Variants in ZMYM2 observed in about 807,000 individuals in gnomAD.
ZMYM2 encodes zinc finger MYM-type protein 2.
A neutral mutation model predicts 162.8 loss-of-function variants in ZMYM2; 56 were observed. That is an observed-to-expected ratio of 0.34 (90% CI 0.28 to 0.43). The LOEUF is 0.43. ZMYM2 is among the 20% of genes least tolerant of loss of function. ZMYM2 has a pLI of 1.00. For synonymous variants in ZMYM2, 510 were observed against 541.6 expected (o/e 0.94, Z 0.81); for missense variants, 1,275 against 1,621.8 (o/e 0.79, Z 3.67).
At chr13:19,886,124 A>C in the ZMYM2 span, among the ~76,000 whole-genome samples, 1 of 148,180 alleles carries the variant, frequency 6.7e-6, no homozygotes, top group African/African-American at 2.5e-5. Context: ...GACCCTGTTC[A>C]AAAACTGCTA....
intron 6 of ZMYM2, among the ~76,000 whole-genome samples, chr13:20,016,543 A>G (rs1218991784): frequency 1.3e-5 from 2 of 152,188 alleles, no homozygotes; most frequent in Non-Finnish European, 2.9e-5. Flanking sequence ...TTTAGTGGCA[A>G]CAAACTCCCT....
chr13:19,967,338 A>G (rs1198659499), intron 2 of ZMYM2, among the ~76,000 whole-genome samples: 2 of 152,178 alleles, frequency 1.3e-5, no homozygotes, highest in African/African-American at 4.8e-5. Context: ...AAAGGGAACT[A>G]GTGAGTACTA....
intron 1 of ZMYM2, among the ~76,000 whole-genome samples, chr13:19,959,295 CG>C (rs985041779): frequency 2.0e-5 from 3 of 152,006 alleles, no homozygotes; most frequent in African/African-American, 7.2e-5. Flanking sequence ...TCTCCGCTCT[CG>C]GGGCAGCGCT....
At chr13:19,965,228 G>A (rs2139145825) in intron 2 of ZMYM2, 1 of 1,293,574 alleles carries the variant, frequency 7.7e-7, no homozygotes, top group East Asian at 4.8e-5. Context: ...AGCCATACAT[G>A]TGTATATTAC....
chr13:19,879,857 T>C, the ZMYM2 span, among the ~76,000 whole-genome samples: 5 of 152,230 alleles, frequency 3.3e-5, no homozygotes, highest in Admixed American at 3.3e-4. Context: ...AGATTAGCAT[T>C]TGAGTCAGGA....
chr13:19,884,439 G>A, the ZMYM2 span, among the ~76,000 whole-genome samples: 1 of 152,072 alleles, frequency 6.6e-6, no homozygotes, highest in Non-Finnish European at 1.5e-5. Context: ...TAAGCCAGAC[G>A]TGGCGGCGGG....
At chr13:19,932,642 T>C in the ZMYM2 span, among the ~76,000 whole-genome samples, 1 of 149,176 alleles carries the variant, frequency 6.7e-6, no homozygotes, top group African/African-American at 2.5e-5. Context: ...CGAGAATTCA[T>C]CTCCAAAAAA....
chr13:19,898,940 T>G, the ZMYM2 span, among the ~76,000 whole-genome samples: 5 of 149,770 alleles, frequency 3.3e-5, no homozygotes, highest in Admixed American at 2.7e-4. Flanking sequence ...TTCTTTTTTT[T>G]TTTTTTTTTT....
At chr13:19,932,633 G>A in the ZMYM2 span, among the ~76,000 whole-genome samples, 5 of 151,130 alleles carry the variant, frequency 3.3e-5, no homozygotes, top group African/African-American at 1.2e-4. Flanking sequence ...GTGACAGAGC[G>A]AGAATTCATC....
chr13:19,954,030 G>A (rs545941313), upstream of ZMYM2, among the ~76,000 whole-genome samples: 5 of 151,636 alleles, frequency 3.3e-5, no homozygotes, highest in South Asian at 4.2e-4. Context: ...CGTTTGTACC[G>A]GGTGCTGATG....
the ZMYM2 span, among the ~76,000 whole-genome samples, chr13:19,880,612 A>G: frequency 6.6e-6 from 1 of 151,898 alleles, no homozygotes; most frequent in African/African-American, 2.4e-5. Flanking sequence ...GTATTTTAAT[A>G]GAGATGGGGT....
At chr13:20,031,865 GTTTTTT>G (rs10642086) in intron 10 of ZMYM2, among the ~76,000 whole-genome samples, 19 of 130,260 alleles carry the variant, frequency 1.5e-4, no homozygotes, top group Admixed American at 9.1e-4. Flanking sequence ...TTCTGTAATT[GTTTTTT>G]TTTTTTTTTT....
chr13:19,906,061 A>G, the ZMYM2 span, among the ~76,000 whole-genome samples: 2 of 151,760 alleles, frequency 1.3e-5, no homozygotes, highest in South Asian at 2.1e-4. Flanking sequence ...GGATCACCTG[A>G]GGTCAGGAGT....
At chr13:19,941,326 A>C in the ZMYM2 span, among the ~76,000 whole-genome samples, 1,158 of 151,920 alleles carry the variant, frequency 7.6e-3, 18 homozygotes, top group African/African-American at 0.023. Context: ...AAAAAACAAA[A>C]AAAAAAAAGA....
the ZMYM2 span, among the ~76,000 whole-genome samples, chr13:19,925,890 A>G: frequency 6.7e-6 from 1 of 150,136 alleles, no homozygotes; most frequent in Non-Finnish European, 1.5e-5. Flanking sequence ...AAAAAAAGTT[A>G]TAATACTCTC....
the ZMYM2 span, among the ~76,000 whole-genome samples, chr13:19,937,053 C>T: frequency 0.011 from 1,721 of 151,654 alleles, 19 homozygotes; most frequent in East Asian, 0.029. Context: ...TAAATTAGTA[C>T]GCAGCTTCAG....
intron 17 of ZMYM2, 146 bp downstream of exon 17, chr13:20,061,370 A>ACGGCAACCAC: frequency 1.5e-6 from 1 of 651,292 alleles, no homozygotes; most frequent in Non-Finnish European, 2.2e-6. Flanking sequence ...TTTTTATATT[A>ACGGCAACCAC]AGAGATCTAC....
At position 20,034,829 on chromosome 13, in the gene ZMYM2, C is replaced by G. The variant is rs374912384; in HGVS notation, c.2119+425C>G. Among the ~76,000 whole-genome samples the G allele has an allele frequency of 3.9e-5, 6 of 152,284 alleles. No homozygotes were observed. In the South Asian group the frequency reaches 1.2e-3, roughly 32 times the overall value. Reference sequence around the variant, plus strand: ...ATGGCAGTACTAAAATGGGAAGATACTTTTAGGTATTCAATTTGGGGTGCC... The same window carrying G: ...ATGGCAGTACTAAAATGGGAAGATAGTTTTAGGTATTCAATTTGGGGTGCC... On this transcript the variant is annotated intron_variant, in intron 11 of 24. Coordinates refer to ENST00000610343, the MANE Select transcript of ZMYM2 (RefSeq NM_197968.4).
intron 2 of ZMYM2, chr13:19,969,907 A>C: frequency 5.0e-6 from 2 of 396,604 alleles, no homozygotes; most frequent in African/African-American, 2.2e-5. Context: ...AACAGAGGCA[A>C]GAGATTTTTA....
Sources: gnomAD v4.1 joint callset for allele counts (sites outside exome capture counted in the v4.1 genomes callset) on GRCh38, gnomAD v4.1.1 for gene constraint, MANE v1.5 for transcripts, NCBI Gene and HGNC (gene_info 2026-07-23, HGNC 2026-07-21) for gene names.